CLVS1: variants seen among roughly 807,000 people sequenced by gnomAD.
The protein encoded by CLVS1 is clavesin-1.
CLVS1 carries 10 observed loss-of-function variants against 33.1 expected under a neutral mutation model. That is an observed-to-expected ratio of 0.30 (90% confidence interval 0.19 to 0.51). The LOEUF (loss-of-function observed/expected upper bound fraction) is 0.51, where lower values mean the gene tolerates loss of function less well. CLVS1 is among the 20% of genes least tolerant of loss of function. The pLI, the probability that CLVS1 is intolerant of heterozygous loss-of-function variation, is 0.97. For synonymous variants in CLVS1, 163 were observed against 166.1 expected (o/e 0.98, Z 0.14); for missense variants, 343 against 433.4 (o/e 0.79, Z 1.85).
At chr8:61,229,857 C>A (rs147259685) in intron 2 of CLVS1, among the ~76,000 whole-genome samples, 1 of 152,180 alleles carries the variant, frequency 6.6e-6, no homozygotes, top group Non-Finnish European at 1.5e-5. Context: ...AAACTCCTGA[C>A]CTCAAGTGAT....
chr8:61,307,160 G>GA (rs1427229347), intron 2 of CLVS1, among the ~76,000 whole-genome samples: 4 of 152,134 alleles, frequency 2.6e-5, no homozygotes, highest in Non-Finnish European at 5.9e-5. Context: ...CCTTGATGGG[G>GA]AAAAAACAGT....
At chr8:61,243,565 T>C (rs1808741025) in intron 2 of CLVS1, among the ~76,000 whole-genome samples, 1 of 152,216 alleles carries the variant, frequency 6.6e-6, no homozygotes, top group Non-Finnish European at 1.5e-5. Context: ...GAAACATGAG[T>C]AACTTCTGGT....
At chr8:61,014,090 T>G in the CLVS1 span, among the ~76,000 whole-genome samples, 1 of 151,692 alleles carries the variant, frequency 6.6e-6, no homozygotes, top group African/African-American at 2.4e-5. Context: ...TTAGTGTTTT[T>G]TTTTTTTTTT....
chr8:61,454,085 C>A, intron 3 of CLVS1, 56 bp from the exon 4 acceptor site: 2 of 1,207,056 alleles, frequency 1.7e-6, no homozygotes, highest in South Asian at 1.2e-5. Flanking sequence ...TCCTGCTGGT[C>A]CAGTCTAACA....
chr8:61,202,839 T>TGATGATGATGATGAAGAA (rs1474068514), intron 2 of CLVS1: 11 of 952,630 alleles, frequency 1.2e-5, no homozygotes, highest in Middle Eastern at 3.1e-4. Context: ...CTGATGAAGA[T>TGATGATGATGATGAAGAA]GATGATGATG....
chr8:61,111,078 G>A (rs1271642618), intron 1 of CLVS1, among the ~76,000 whole-genome samples: 1 of 152,108 alleles, frequency 6.6e-6, no homozygotes, highest in East Asian at 1.9e-4. Flanking sequence ...GGATCGTATG[G>A]TAACTAAATG....
At chr8:61,429,745 T>C (rs1585962242) in intron 3 of CLVS1, among the ~76,000 whole-genome samples, 1 of 152,344 alleles carries the variant, frequency 6.6e-6, no homozygotes, top group East Asian at 1.9e-4. Context: ...CTTAATTGTA[T>C]AATTTTCAAC....
At chr8:61,145,136 G>A (rs1448382185) in intron 2 of CLVS1, among the ~76,000 whole-genome samples, 2 of 152,128 alleles carry the variant, frequency 1.3e-5, no homozygotes, top group African/African-American at 4.8e-5. Flanking sequence ...CTTCTGCACA[G>A]CAAAAGAAAC....
intron 2 of CLVS1, among the ~76,000 whole-genome samples, chr8:61,256,253 G>A (rs1291189077): frequency 6.6e-6 from 1 of 152,180 alleles, no homozygotes; most frequent in African/African-American, 2.4e-5. Flanking sequence ...GGTGGCTCAC[G>A]CCTGTAATCC....
chr8:61,364,016 A>G (rs1310646379), intron 2 of CLVS1, among the ~76,000 whole-genome samples: 1 of 152,196 alleles, frequency 6.6e-6, no homozygotes, highest in Non-Finnish European at 1.5e-5. Context: ...TAGGCTCCAA[A>G]TGACTTTGGA....
chr8:61,143,831 T>C (rs1806361317), intron 2 of CLVS1, among the ~76,000 whole-genome samples: 1 of 147,520 alleles, frequency 6.8e-6, no homozygotes, highest in African/African-American at 2.5e-5. Context: ...ATATAATATG[T>C]ATATATTATA....
At chr8:61,053,749 A>G (rs927813219), upstream of CLVS1, among the ~76,000 whole-genome samples, 1 of 152,226 alleles carries the variant, frequency 6.6e-6, no homozygotes, top group Non-Finnish European at 1.5e-5. Context: ...GGCTGGGCCA[A>G]TTAGGGTTCT....
chr8:61,481,595 C>T (rs545828654), intron 5 of CLVS1, among the ~76,000 whole-genome samples: 4 of 152,346 alleles, frequency 2.6e-5, no homozygotes, highest in East Asian at 3.9e-4. Flanking sequence ...GAGCCTCACT[C>T]ACTGCTAGCA....
At chr8:61,455,884 G>A (rs1452726239) in intron 4 of CLVS1, among the ~76,000 whole-genome samples, 2 of 152,192 alleles carry the variant, frequency 1.3e-5, no homozygotes, top group Non-Finnish European at 2.9e-5. Context: ...CCTTTAGAGA[G>A]CATTGCAATG....
chr8:61,444,327 A>C (rs1310774181), intron 3 of CLVS1, among the ~76,000 whole-genome samples: 1 of 152,172 alleles, frequency 6.6e-6, no homozygotes, highest in Non-Finnish European at 1.5e-5. Context: ...AAAAACATTC[A>C]GTTTTTCACC....
chr8:61,196,883 T>C (rs1585680838), intron 2 of CLVS1, among the ~76,000 whole-genome samples: 1 of 152,336 alleles, frequency 6.6e-6, no homozygotes, highest in Middle Eastern at 3.4e-3. Flanking sequence ...CAATGCAATG[T>C]GATTGGAAGT....
intron 2 of CLVS1, among the ~76,000 whole-genome samples, chr8:61,272,271 A>T (rs1294819324): frequency 6.6e-6 from 1 of 152,172 alleles, no homozygotes; most frequent in East Asian, 1.9e-4. Flanking sequence ...TTGGCTGCAT[A>T]TGAAATTCTG....
chr8:61,339,500 G>A (rs1435970222), intron 2 of CLVS1, among the ~76,000 whole-genome samples: 2 of 152,198 alleles, frequency 1.3e-5, no homozygotes, highest in African/African-American at 4.8e-5. Flanking sequence ...CCTGTGAGCT[G>A]TCCTGTGTCT....
At chr8:61,287,814 G>C (rs1809823662), upstream of CLVS1, 1 of 331,004 alleles carries the variant, frequency 3.0e-6, no homozygotes, top group Admixed American at 4.4e-5. Flanking sequence ...TGTGTGGGGA[G>C]TGATGACGCT....
Sources: allele counts gnomAD v4.1 joint callset (sites outside exome capture counted in the v4.1 genomes callset), GRCh38; gene constraint gnomAD v4.1.1; transcripts MANE v1.5; gene names NCBI Gene and HGNC (gene_info 2026-07-23, HGNC 2026-07-21).